MEIKIN: variants seen among roughly 807,000 people sequenced by gnomAD.
The protein encoded by MEIKIN is meiotic kinetochore factor.
intron 9 of MEIKIN, among the ~76,000 whole-genome samples, chr5:131,872,988 C>T (rs530251813): frequency 3.3e-5 from 5 of 152,114 alleles, no homozygotes; most frequent in African/African-American, 1.2e-4. Flanking sequence ...TAAAAGAGCT[C>T]CTGAAGGAAG....
chr5:131,810,225 G>A (rs1772927241), intron 12 of MEIKIN, among the ~76,000 whole-genome samples: 1 of 152,044 alleles, frequency 6.6e-6, no homozygotes, highest in South Asian at 2.1e-4. Flanking sequence ...TCTCACTAAA[G>A]ATAACATATG....
intron 8 of MEIKIN, among the ~76,000 whole-genome samples, chr5:131,882,681 A>C (rs999813526): frequency 1.3e-5 from 2 of 152,196 alleles, no homozygotes; most frequent in Non-Finnish European, 2.9e-5. Context: ...TAAAATCCAT[A>C]GTCCTTACAA....
intron 8 of MEIKIN, among the ~76,000 whole-genome samples, chr5:131,882,770 T>C (rs1750720502): frequency 6.6e-6 from 1 of 152,198 alleles, no homozygotes. Context: ...CTGCTCACTG[T>C]GCTCCAGCCA....
chr5:131,875,090 G>C lies in MEIKIN; in HGVS notation c.774+3888C>G, dbSNP rs147052748. Among the ~76,000 whole-genome samples, 515 of 152,284 alleles carry C rather than the reference G, an allele frequency of 3.4e-3. 4 individuals are homozygous for C. Among genetic ancestry groups the C allele is most frequent in the African/African-American group, 0.012 (490 of 41,554 alleles). ...TCCCTTTGAAAACTGGCACAAGACA[G>C]GGATGTCCTCTCTTACCACTCCGAT... On this transcript the variant is annotated intron_variant, in intron 9 of 12. Coordinates refer to ENST00000442687, the MANE Select transcript of MEIKIN (RefSeq NM_001303622.2).
chr5:131,911,341 G>A (rs1439717147), intron 8 of MEIKIN, among the ~76,000 whole-genome samples: 2 of 151,956 alleles, frequency 1.3e-5, no homozygotes, highest in Admixed American at 6.6e-5. Flanking sequence ...AGGAAATATA[G>A]AAAAATATGA....
chr5:131,923,481 T>C (rs552508127), intron 5 of MEIKIN, among the ~76,000 whole-genome samples: 1 of 152,094 alleles, frequency 6.6e-6, no homozygotes, highest in South Asian at 2.1e-4. Flanking sequence ...TATATTTTTT[T>C]CCTCTAAATT....
intron 8 of MEIKIN, among the ~76,000 whole-genome samples, chr5:131,890,678 C>T (rs796948142): frequency 6.6e-6 from 1 of 152,150 alleles, no homozygotes; most frequent in Non-Finnish European, 1.5e-5. Flanking sequence ...CTCCTGGATT[C>T]ATTGATTTTT....
At chr5:131,884,557 T>C (rs1382807468) in intron 8 of MEIKIN, among the ~76,000 whole-genome samples, 1 of 151,134 alleles carries the variant, frequency 6.6e-6, no homozygotes, top group African/African-American at 2.4e-5. Flanking sequence ...ACCATGGCCC[T>C]TGGGTGAGAC....
rs554841663 is a variant in MEIKIN, at chr5:131,809,738, G to A, written c.1100-2480C>T. On this transcript the variant is annotated intron_variant, in intron 12 of 12. Transcript: ENST00000442687. ...GGAGAATCGCCTGAACCAGGGAGTC[G>A]GAGGTTGCAGTGAGCTGCCACTGCA... Among the ~76,000 whole-genome samples the A allele has an allele frequency of 2.1e-3, 322 of 151,820 alleles. 1 individual carries two copies. The highest frequency in any genetic ancestry group is 7.4e-3 in the African/African-American group (305 of 41,434).
intron 11 of MEIKIN, among the ~76,000 whole-genome samples, chr5:131,835,965 G>A (rs1749799272): frequency 1.3e-5 from 2 of 152,108 alleles, no homozygotes; most frequent in Non-Finnish European, 2.9e-5. Context: ...CCCATATCAT[G>A]GGGGTTTGTT....
chr5:131,808,332 A>C (rs1772886585), intron 12 of MEIKIN, among the ~76,000 whole-genome samples: 2 of 152,208 alleles, frequency 1.3e-5, no homozygotes, highest in East Asian at 3.9e-4. Flanking sequence ...CTACCCTTCA[A>C]ATTCTCAGTC....
intron 5 of MEIKIN, among the ~76,000 whole-genome samples, chr5:131,924,102 T>A (rs1305502170): frequency 6.6e-6 from 1 of 152,078 alleles, no homozygotes; most frequent in Non-Finnish European, 1.5e-5. Context: ...TGTGACTGGC[T>A]TATTTCATTT....
intron 11 of MEIKIN, among the ~76,000 whole-genome samples, chr5:131,835,563 C>G (rs933627903): frequency 2.6e-5 from 4 of 151,934 alleles, no homozygotes; most frequent in African/African-American, 9.7e-5. Flanking sequence ...CTTCTGGGCA[C>G]TCTGTTCTGT....
intron 12 of MEIKIN, among the ~76,000 whole-genome samples, chr5:131,810,982 G>C (rs539612650): frequency 2.9e-4 from 44 of 152,142 alleles, no homozygotes; most frequent in Non-Finnish European, 5.0e-4. Context: ...AAAATAACAT[G>C]ATCACTAGTT....
intron 4 of MEIKIN, among the ~76,000 whole-genome samples, chr5:131,940,622 C>A (rs1162429983): frequency 1.3e-5 from 2 of 152,050 alleles, no homozygotes; most frequent in African/African-American, 4.8e-5. Context: ...GTTTATATGG[C>A]AGTAAGTAAA....
intron 12 of MEIKIN, among the ~76,000 whole-genome samples, chr5:131,817,613 C>CAAAA (rs36057131): frequency 2.8e-5 from 4 of 144,364 alleles, no homozygotes; most frequent in African/African-American, 1.0e-4. Context: ...GAGAATCTGT[C>CAAAA]AAAAAAAAAA....
intron 12 of MEIKIN, among the ~76,000 whole-genome samples, chr5:131,808,231 T>C (rs550331790): frequency 6.6e-6 from 1 of 152,324 alleles, no homozygotes; most frequent in Middle Eastern, 3.4e-3. Flanking sequence ...CATTAAAGAC[T>C]TTGCAAAATG....
intron 8 of MEIKIN, among the ~76,000 whole-genome samples, chr5:131,883,226 G>C (rs1750727100): frequency 6.6e-6 from 1 of 152,156 alleles, no homozygotes; most frequent in South Asian, 2.1e-4. Flanking sequence ...GAGATATCTA[G>C]AAGGCAGCTG....
chr5:131,859,041 G>C (rs1330056882), intron 9 of MEIKIN, among the ~76,000 whole-genome samples: 1 of 152,140 alleles, frequency 6.6e-6, no homozygotes, highest in Non-Finnish European at 1.5e-5. Flanking sequence ...ACTCAACGCA[G>C]AACTACCACT....
Sources: gnomAD v4.1 joint callset for allele counts (sites outside exome capture counted in the v4.1 genomes callset) on GRCh38, gnomAD v4.1.1 for gene constraint, MANE v1.5 for transcripts, NCBI Gene and HGNC (gene_info 2026-07-23, HGNC 2026-07-21) for gene names.